The following FMN1 variants were observed in gnomAD, a reference collection of about 807,000 sequenced individuals.
FMN1 encodes formin 1.
In FMN1, 110 loss-of-function variants were observed where a neutral mutation model predicts 132.4. The ratio of observed to expected loss-of-function variants is 0.83; its 90% CI spans 0.71 to 0.97. The LOEUF (loss-of-function observed/expected upper bound fraction) is 0.97, where lower values mean the gene tolerates loss of function less well. FMN1 is among the 50% of genes least tolerant of loss of function. The pLI is 0.00. For missense variants in FMN1, 1,792 were observed against 1,705.3 expected, an observed-to-expected ratio of 1.05 and a Z score of -0.90; for synonymous variants, 722 against 651.7, an observed-to-expected ratio of 1.11 and a Z score of -1.64.
intron 3 of FMN1, among the ~76,000 whole-genome samples, chr15:33,165,599 G>A (rs1296954455): frequency 6.6e-6 from 1 of 152,126 alleles, no homozygotes; most frequent in Non-Finnish European, 1.5e-5. Context: ...CACTGTGTTA[G>A]CCAGGATGGT....
At chr15:32,801,515 C>T (rs2057478399) in intron 18 of FMN1, among the ~76,000 whole-genome samples, 1 of 152,090 alleles carries the variant, frequency 6.6e-6, no homozygotes, top group African/African-American at 2.4e-5. Flanking sequence ...GCCTGTAATC[C>T]TAGCACTTTG....
chr15:32,947,667 T>TA (rs973844305), intron 9 of FMN1, among the ~76,000 whole-genome samples: 25 of 152,192 alleles, frequency 1.6e-4, no homozygotes, highest in African/African-American at 6.0e-4. Flanking sequence ...TCTTTTTATT[T>TA]AGGTCTATTT....
chr15:33,106,678 G>A (rs975297210), intron 4 of FMN1, among the ~76,000 whole-genome samples: 2 of 151,792 alleles, frequency 1.3e-5, no homozygotes, highest in Non-Finnish European at 2.9e-5. Flanking sequence ...TGAAATTTTG[G>A]GCCAGATAAC....
At position 32,893,092 on chromosome 15, in the gene FMN1, T is replaced by C. The variant is rs1567340592; in HGVS notation, c.3715-4800A>G. 2.0e-5 allele frequency among the ~76,000 whole-genome samples: 3 copies of C among 152,254 alleles called. 1 individual carries two copies. The highest frequency in any genetic ancestry group is 3.8e-4 in the East Asian group (2 of 5,206). ...TTTTCTTGTAGTTTCAGGAATCCTCTTGACCCTTCCTCTTTAAGGCCATTA... is the reference window on the plus strand; with the variant it reads ...TTTTCTTGTAGTTTCAGGAATCCTCCTGACCCTTCCTCTTTAAGGCCATTA... On this transcript the variant is annotated intron_variant, in intron 15 of 20. Transcript: ENST00000616417.
At position 32,969,396 on chromosome 15, in the gene FMN1, G is replaced by T; in HGVS notation, c.2305C>A (p.Leu769Met). The T allele has an allele frequency of 1.9e-6, 3 of 1,613,926 alleles. No homozygotes were observed. The highest frequency in any genetic ancestry group is 2.5e-6 in the Non-Finnish European group (3 of 1,179,868). Residue 769 changes from leucine to methionine, a missense_variant, in exon 8 of 21, where the codon CTG becomes ATG. By Grantham distance (15) the Leu-to-Met change is conservative. This residue lies in a region of FMN1 where 1,150 missense variants were observed against 1,043.1 expected (regional missense o/e 1.10). Coordinates refer to ENST00000616417, the MANE Select transcript of FMN1 (RefSeq NM_001277313.2). ...TARLEETIEN[L>M]KHELEHRWRG... ...CATCTGTGTTCTAGCTCGTGTTTCA[G>T]ATTTTCAATGGTTTCTTCTAGTCTC...
intron 6 of FMN1, among the ~76,000 whole-genome samples, chr15:33,010,589 G>A (rs1363062254): frequency 1.3e-5 from 2 of 152,066 alleles, no homozygotes; most frequent in Admixed American, 6.6e-5. Context: ...ACTAGCAGAT[G>A]TAATGGATGA....
intron 16 of FMN1, among the ~76,000 whole-genome samples, chr15:32,881,741 C>T (rs544209382): frequency 2.6e-5 from 4 of 152,224 alleles, no homozygotes; most frequent in South Asian, 4.2e-4. Context: ...AGAGGTCATT[C>T]GTTTTGCAGG....
intron 7 of FMN1, among the ~76,000 whole-genome samples, chr15:33,005,978 C>T (rs2034394944): frequency 6.6e-6 from 1 of 152,110 alleles, no homozygotes; most frequent in South Asian, 2.1e-4. Flanking sequence ...TTTTCTCTCC[C>T]TAACTATTTA....
chr15:32,943,005 A>G (rs1427805822), intron 9 of FMN1, among the ~76,000 whole-genome samples: 6 of 152,226 alleles, frequency 3.9e-5, no homozygotes, highest in African/African-American at 1.4e-4. Context: ...TCAAAACTCA[A>G]GAACTCCAAA....
intron 17 of FMN1, among the ~76,000 whole-genome samples, chr15:32,809,338 T>G (rs1268737745): frequency 6.6e-6 from 1 of 152,190 alleles, no homozygotes; most frequent in Non-Finnish European, 1.5e-5. Context: ...CACAGTAAAT[T>G]CAATTCTCTT....
At chr15:32,902,794 G>A (rs116174398) in intron 12 of FMN1, among the ~76,000 whole-genome samples, 2,542 of 152,284 alleles carry the variant, frequency 0.017, 74 homozygotes, top group African/African-American at 0.058. Flanking sequence ...GTTGGAAAGA[G>A]CGACATACTC....
Position 32,813,369 on chromosome 15 carries a change from T to C in FMN1, c.3929-9037A>G, listed in dbSNP as rs547097083. Among the ~76,000 whole-genome samples the C allele has an allele frequency of 4.6e-5, 7 of 152,346 alleles. No homozygotes were observed. The South Asian group carries it at 6.2e-4, about 14-fold the overall frequency. Reference sequence around the variant, plus strand: ...AGGAGGTAATCGGACACAAGTATAATTGGGATCTAAATGAAGTATATTTAC... The same window carrying C: ...AGGAGGTAATCGGACACAAGTATAACTGGGATCTAAATGAAGTATATTTAC... On this transcript the variant is annotated intron_variant, in intron 17 of 20. Transcript: ENST00000616417.
intron 4 of FMN1, among the ~76,000 whole-genome samples, chr15:33,126,639 A>T (rs1044991715): frequency 1.2e-5 from 1 of 82,496 alleles, no homozygotes; most frequent in Non-Finnish European, 2.9e-5. Context: ...CGGAAGTGTT[A>T]AGTTGCAAAT....
intron 6 of FMN1, among the ~76,000 whole-genome samples, chr15:33,048,814 AC>A (rs2036836526): frequency 6.6e-6 from 1 of 151,990 alleles, no homozygotes; most frequent in Non-Finnish European, 1.5e-5. Context: ...CATGAGACTT[AC>A]TATTATGAGA....
chr15:33,026,096 T>TACACACACACACACAC (rs58334971), intron 6 of FMN1, among the ~76,000 whole-genome samples: 4 of 144,722 alleles, frequency 2.8e-5, no homozygotes, highest in African/African-American at 7.7e-5. Context: ...TGCTTAGGCA[T>TACACACACACACACAC]ACACACACAC....
chr15:32,788,249 G>C (rs1015819402), intron 19 of FMN1, among the ~76,000 whole-genome samples: 1 of 152,246 alleles, frequency 6.6e-6, no homozygotes, highest in Non-Finnish European at 1.5e-5. Context: ...CGGCGATTTA[G>C]GTGCAGAGTG....
intron 16 of FMN1, among the ~76,000 whole-genome samples, chr15:32,857,442 C>T (rs1440478689): frequency 1.3e-5 from 2 of 152,152 alleles, no homozygotes; most frequent in Admixed American, 6.5e-5. Flanking sequence ...GCAAAAACTA[C>T]TTGAGGATTA....
intron 5 of FMN1, among the ~76,000 whole-genome samples, chr15:33,087,903 T>C (rs1440595318): frequency 6.6e-6 from 1 of 152,074 alleles, no homozygotes; most frequent in Non-Finnish European, 1.5e-5. Flanking sequence ...AATAACGCCA[T>C]TTGCAGCAAA....
chr15:32,892,108 G>A (rs369139568), intron 15 of FMN1, among the ~76,000 whole-genome samples: 2 of 152,130 alleles, frequency 1.3e-5, no homozygotes, highest in Middle Eastern at 3.2e-3. Context: ...GAGGAGTGGC[G>A]AGAGTGGGCA....
Sources: allele counts gnomAD v4.1 joint callset (sites outside exome capture counted in the v4.1 genomes callset), GRCh38; gene constraint gnomAD v4.1.1; regional missense constraint gnomAD v4.1.1; transcripts MANE v1.5; gene names NCBI Gene and HGNC (gene_info 2026-07-23, HGNC 2026-07-21).